The following TLN2 variants were observed in gnomAD, a reference collection of about 807,000 sequenced individuals.
TLN2 encodes talin-2.
In TLN2, 118 loss-of-function variants were observed where a neutral mutation model predicts 294.7. The ratio of observed to expected loss-of-function variants is 0.40; its 90% CI spans 0.34 to 0.47. The LOEUF is 0.47. Ranked by LOEUF, TLN2 falls within the 20% of genes least tolerant of loss-of-function variation. The pLI is 0.84. For synonymous variants in TLN2, 1,431 were observed against 1,304.5 expected, an observed-to-expected ratio of 1.10 and a Z score of -2.09; for missense variants, 3,083 against 3,282.2, an observed-to-expected ratio of 0.94 and a Z score of 1.48.
Position 62,508,937 on chromosome 15 carries a change from A to G in TLN2, c.-237-80750A>G, listed in dbSNP as rs568765679. Among the ~76,000 whole-genome samples, 7 of 152,372 alleles carry G rather than the reference A, an allele frequency of 4.6e-5. 1 individual carries two copies. Among genetic ancestry groups the G allele is most frequent in the African/African-American group, 1.7e-4 (7 of 41,594 alleles). ...GTATATACATGTGATAGTAAGAGTTACATTTATGTGGATGAATTTACTATA... is the reference window on the plus strand; with the variant it reads ...GTATATACATGTGATAGTAAGAGTTGCATTTATGTGGATGAATTTACTATA... On this transcript the variant is annotated intron_variant, in intron 1 of 58. Coordinates refer to ENST00000636159, the MANE Select transcript of TLN2 (RefSeq NM_015059.3).
intron 1 of TLN2, among the ~76,000 whole-genome samples, chr15:62,450,255 G>A (rs967364831): frequency 6.6e-6 from 1 of 152,140 alleles, no homozygotes; most frequent in African/African-American, 2.4e-5. Context: ...AGCATGAGCG[G>A]GGAATTGCTG....
At chr15:62,665,835 A>C (rs1257769416) in intron 9 of TLN2, among the ~76,000 whole-genome samples, 2 of 152,176 alleles carry the variant, frequency 1.3e-5, no homozygotes, top group Non-Finnish European at 2.9e-5. Flanking sequence ...CTTTTGTCAG[A>C]ATAATTTGGC....
chr15:62,464,057 C>T (rs1290385693), intron 1 of TLN2, among the ~76,000 whole-genome samples: 1 of 152,180 alleles, frequency 6.6e-6, no homozygotes, highest in Non-Finnish European at 1.5e-5. Context: ...GCATTTGACT[C>T]AGCAATCCCA....
At chr15:62,417,044 TACAGAGCA>T (rs777480406) in intron 1 of TLN2, among the ~76,000 whole-genome samples, 3 of 152,138 alleles carry the variant, frequency 2.0e-5, no homozygotes, top group African/African-American at 4.8e-5. Context: ...ATCATCGAGT[TACAGAGCA>T]GCTTTTGGAG....
At chr15:62,494,855 C>T (rs2038938431) in intron 1 of TLN2, among the ~76,000 whole-genome samples, 1 of 152,158 alleles carries the variant, frequency 6.6e-6, no homozygotes, top group Admixed American at 6.5e-5. Flanking sequence ...GACTGTGACG[C>T]TGTCCCTTAC....
At chr15:62,465,050 C>G (rs2037037332) in intron 1 of TLN2, among the ~76,000 whole-genome samples, 1 of 148,732 alleles carries the variant, frequency 6.7e-6, no homozygotes, top group Admixed American at 6.7e-5. Flanking sequence ...TAGATTTCCT[C>G]TCTCATTTGC....
intron 3 of TLN2, among the ~76,000 whole-genome samples, chr15:62,624,364 A>G (rs2049086492): frequency 6.6e-6 from 1 of 152,074 alleles, no homozygotes; most frequent in South Asian, 2.1e-4. Context: ...GATAGAGTAA[A>G]CCTCCACTGC....
intron 27 of TLN2, among the ~76,000 whole-genome samples, chr15:62,726,126 T>C (rs2060427997): frequency 6.6e-6 from 1 of 151,800 alleles, no homozygotes; most frequent in Non-Finnish European, 1.5e-5. Flanking sequence ...CCCCAGGGAG[T>C]GCAAGAGAGG....
At chr15:62,762,036 G>A (rs1028693568) in intron 38 of TLN2, among the ~76,000 whole-genome samples, 1 of 152,130 alleles carries the variant, frequency 6.6e-6, no homozygotes, top group African/African-American at 2.4e-5. Flanking sequence ...TACTGCCTAG[G>A]TTTGGGGCGA....
At chr15:62,396,403 A>G (rs940506220) in intron 1 of TLN2, among the ~76,000 whole-genome samples, 2 of 152,214 alleles carry the variant, frequency 1.3e-5, no homozygotes, top group African/African-American at 4.8e-5. Context: ...ACTTTCTCTG[A>G]TGCCTCTCAT....
chr15:62,600,289 G>A (rs1454313923), intron 2 of TLN2, among the ~76,000 whole-genome samples: 9 of 152,352 alleles, frequency 5.9e-5, no homozygotes, highest in African/African-American at 7.2e-5. Flanking sequence ...GTGCGGTGCA[G>A]TGAAACCTTA....
intron 11 of TLN2, among the ~76,000 whole-genome samples, chr15:62,677,103 G>A (rs1000962693): frequency 1.3e-5 from 2 of 152,148 alleles, no homozygotes; most frequent in Non-Finnish European, 2.9e-5. Flanking sequence ...TGCTTCCACC[G>A]TTCTAGCTTC....
At chr15:62,447,742 C>T (rs1449837937) in intron 1 of TLN2, among the ~76,000 whole-genome samples, 2 of 152,118 alleles carry the variant, frequency 1.3e-5, no homozygotes, top group Non-Finnish European at 2.9e-5. Context: ...ATCTGCCCGC[C>T]TTGGCCTCCC....
Position 62,840,687 on chromosome 15 carries a change from C to A in TLN2, c.*77C>A. On this transcript the variant is annotated 3_prime_UTR_variant, in exon 59 of 59. Coordinates refer to ENST00000636159, the MANE Select transcript of TLN2 (RefSeq NM_015059.3). Reference sequence around the variant, plus strand: ...CAGACAGTGTTCCTGAGAGGCTGGGCACTTAGCTGGAAACCGCCCACCTCC... The same window carrying A: ...CAGACAGTGTTCCTGAGAGGCTGGGAACTTAGCTGGAAACCGCCCACCTCC... The A allele has an allele frequency of 6.5e-7, 1 of 1,539,368 alleles. No individual in the cohort carries two copies. Among genetic ancestry groups the A allele is most frequent in the Non-Finnish European group, 8.7e-7 (1 of 1,144,722 alleles).
rs1304993373 is a variant in TLN2 at position 62,755,590 on chromosome 15, G to A, written c.4535G>A (p.Arg1512His). The change falls in exon 37 of 59, where the codon CGC (arginine) becomes CAC (histidine). Residue 1512 changes from arginine to histidine, a missense_variant. Physicochemically the swap from Arg to His is conservative, Grantham distance 29. Coordinates refer to ENST00000636159, the MANE Select transcript of TLN2 (RefSeq NM_015059.3). ...KHTSALCNAC[R>H]IASSKTANPV... ...ACGTCAGCCTTGTGCAATGCCTGCC[G>A]CATCGCCTCATCCAAGACGGCCAAC... is the stretch of plus-strand genomic sequence containing the variant. 3 of 1,614,082 alleles carry A rather than the reference G, an allele frequency of 1.9e-6. No individual in the cohort carries two copies. The highest frequency in any genetic ancestry group is 1.7e-5 in the Admixed American group (1 of 60,004).
intron 54 of TLN2, chr15:62,830,270 C>T (rs918774402): frequency 4.6e-5 from 7 of 152,424 alleles, no homozygotes; most frequent in African/African-American, 9.6e-5. Flanking sequence ...AAGACACCAA[C>T]CAGGTGAGCC....
At chr15:62,830,707 T>G (rs564238658) in intron 54 of TLN2, 2 of 152,310 alleles carry the variant, frequency 1.3e-5, no homozygotes, top group South Asian at 2.1e-4. Flanking sequence ...CAGTGCGTCT[T>G]AGTCATAAAC....
At position 62,549,560 on chromosome 15, in the gene TLN2, C is replaced by T. The variant is rs1596089367; in HGVS notation, c.-237-40127C>T. Among the ~76,000 whole-genome samples the T allele has an allele frequency of 5.3e-5, 8 of 152,122 alleles. No individual in the cohort carries two copies. In the South Asian group the frequency reaches 1.7e-3, roughly 32 times the overall value. ...TATGTGCCAAGAACTCTGCTGGCCA[C>T]TAGAGGCGAAATCTAGGTATGGCAC... On this transcript the variant is annotated intron_variant, in intron 1 of 58. Coordinates refer to ENST00000636159, the MANE Select transcript of TLN2 (RefSeq NM_015059.3).
At chr15:62,415,788 T>C (rs1048413103) in intron 1 of TLN2, among the ~76,000 whole-genome samples, 4 of 152,148 alleles carry the variant, frequency 2.6e-5, no homozygotes, top group African/African-American at 9.7e-5. Flanking sequence ...GGCTGAGAGA[T>C]TGTCACTAAG....
Sources: gnomAD v4.1 joint callset for allele counts (sites outside exome capture counted in the v4.1 genomes callset) on GRCh38, gnomAD v4.1.1 for gene constraint, MANE v1.5 for transcripts, NCBI Gene and HGNC (gene_info 2026-07-23, HGNC 2026-07-21) for gene names.